The following ITPR2 variants were observed in gnomAD, a reference collection of about 807,000 sequenced individuals.
ITPR2 encodes inositol 1,4,5-trisphosphate-gated calcium channel ITPR2.
A neutral mutation model predicts 317.1 loss-of-function variants in ITPR2; 207 were observed. The ratio of observed to expected loss-of-function variants is 0.65; its 90% CI spans 0.58 to 0.73. The LOEUF is 0.73. ITPR2 is among the 30% of genes least tolerant of loss of function. The pLI, the probability that ITPR2 is intolerant of heterozygous loss-of-function variation, is 0.00. For missense variants in ITPR2, 2,613 were observed against 3,284.0 expected (o/e 0.80, Z 4.99); for synonymous variants, 1,156 against 1,149.1 (o/e 1.01, Z -0.12).
intron 54 of ITPR2, among the ~76,000 whole-genome samples, chr12:26,392,469 G>A (rs1208918332): frequency 1.3e-5 from 2 of 152,058 alleles, no homozygotes; most frequent in Non-Finnish European, 2.9e-5. Context: ...CCAGCTGTTT[G>A]ATCTTCTGGG....
At chr12:26,435,664 A>T (rs1192365516) in intron 48 of ITPR2, among the ~76,000 whole-genome samples, 1 of 152,188 alleles carries the variant, frequency 6.6e-6, no homozygotes, top group African/African-American at 2.4e-5. Flanking sequence ...TTAGTTTAAT[A>T]ATAGTTTCAT....
At chr12:26,647,730 G>C (rs1947146762) in intron 21 of ITPR2, among the ~76,000 whole-genome samples, 1 of 152,212 alleles carries the variant, frequency 6.6e-6, no homozygotes, top group African/African-American at 2.4e-5. Context: ...CCTCCTGGGA[G>C]CAAGTACATT....
intron 36 of ITPR2, among the ~76,000 whole-genome samples, chr12:26,551,644 A>G (rs1288378529): frequency 1.3e-5 from 2 of 152,176 alleles, no homozygotes; most frequent in Non-Finnish European, 2.9e-5. Context: ...GCTGGGGGGA[A>G]TTACCTAGGG....
intron 34 of ITPR2, among the ~76,000 whole-genome samples, chr12:26,572,118 A>T (rs1364176627): frequency 6.6e-6 from 1 of 152,192 alleles, no homozygotes; most frequent in African/African-American, 2.4e-5. Context: ...AAATTCTTGC[A>T]TATTTGAATT....
At chr12:26,440,761 T>TAAA (rs1442845255) in intron 46 of ITPR2, among the ~76,000 whole-genome samples, 11,967 of 152,090 alleles carry the variant, frequency 0.079, 507 homozygotes, top group South Asian at 0.1. Context: ...CAAATATTTT[T>TAAA]AAAAAATCTC....
chr12:26,639,188 G>A (rs546025519), intron 21 of ITPR2, among the ~76,000 whole-genome samples: 1 of 152,206 alleles, frequency 6.6e-6, no homozygotes, highest in African/African-American at 2.4e-5. Flanking sequence ...GACCTGACAT[G>A]TGGAAGGGAT....
At chr12:26,570,144 C>G (rs559118561) in intron 34 of ITPR2, among the ~76,000 whole-genome samples, 1 of 152,246 alleles carries the variant, frequency 6.6e-6, no homozygotes, top group South Asian at 2.1e-4. Context: ...AATTTTATAA[C>G]AGGTAGGGGA....
chr12:26,489,264 C>G (rs1942744640), intron 39 of ITPR2, among the ~76,000 whole-genome samples: 1 of 152,068 alleles, frequency 6.6e-6, no homozygotes, highest in Non-Finnish European at 1.5e-5. Context: ...TGTTTTGGAG[C>G]TAAGGGGGAT....
At chr12:26,475,731 T>C (rs1476186517) in intron 44 of ITPR2, among the ~76,000 whole-genome samples, 1 of 152,080 alleles carries the variant, frequency 6.6e-6, no homozygotes, top group African/African-American at 2.4e-5. Context: ...CAGGCAGACA[T>C]GGTGCTAGAA....
rs1941430441 is a variant in ITPR2, at chr12:26,439,240, T to C, written c.6530A>G (p.Lys2177Arg). ...TTCAGTTGTATTGAACACACGGCAC[T>C]TGGATTCTCGAGTGAGGTATTCACA... Reference protein sequence around the residue: ...NICEYLTRESKCRVFNTTERD... With the variant: ...NICEYLTRESRCRVFNTTERD... The change falls in exon 47 of 57, where the codon AAG becomes AGG. Residue 2177 changes from lysine (K) to arginine (R), a missense_variant. By Grantham distance (26) the Lys-to-Arg change is conservative. Coordinates refer to ENST00000381340, the MANE Select transcript of ITPR2 (RefSeq NM_002223.4). The C allele has an allele frequency of 6.2e-7, 1 of 1,613,254 alleles. No individual in the cohort carries two copies. Among genetic ancestry groups the C allele is most frequent in the Non-Finnish European group, 8.5e-7 (1 of 1,179,534 alleles).
chr12:26,408,666 CTT>C (rs1193675987), intron 52 of ITPR2, among the ~76,000 whole-genome samples: 1 of 152,146 alleles, frequency 6.6e-6, no homozygotes, highest in African/African-American at 2.4e-5. Context: ...AGTCAGCCCT[CTT>C]TGTATACTCT....
intron 10 of ITPR2, among the ~76,000 whole-genome samples, chr12:26,694,288 C>T (rs889993558): frequency 6.6e-6 from 1 of 152,174 alleles, no homozygotes; most frequent in Non-Finnish European, 1.5e-5. Flanking sequence ...ACAAAAATGA[C>T]TAAATATCCC....
chr12:26,630,754 T>G (rs1031288794), intron 22 of ITPR2: 1 of 152,158 alleles, frequency 6.6e-6, no homozygotes, highest in African/African-American at 2.4e-5. Flanking sequence ...TAATGCTTTT[T>G]TTCTGTAAAT....
chr12:26,374,448 T>G (rs1939281693), intron 55 of ITPR2, among the ~76,000 whole-genome samples: 1 of 152,216 alleles, frequency 6.6e-6, no homozygotes, highest in African/African-American at 2.4e-5. Context: ...CATATGGAAG[T>G]TGACCTTTGC....
intron 48 of ITPR2, among the ~76,000 whole-genome samples, chr12:26,431,214 A>G (rs1941198417): frequency 6.6e-6 from 1 of 152,230 alleles, no homozygotes; most frequent in African/African-American, 2.4e-5. Flanking sequence ...GAAAAAAAGA[A>G]TTACACTACA....
chr12:26,684,810 T>G (rs757449986), intron 11 of ITPR2, among the ~76,000 whole-genome samples: 4 of 152,194 alleles, frequency 2.6e-5, no homozygotes, highest in Non-Finnish European at 4.4e-5. Flanking sequence ...CCCTTTTTGC[T>G]GACTTAAATC....
At chr12:26,625,549 T>C (rs1220186972) in intron 23 of ITPR2, among the ~76,000 whole-genome samples, 2 of 152,156 alleles carry the variant, frequency 1.3e-5, no homozygotes, top group Non-Finnish European at 2.9e-5. Flanking sequence ...AAGACATCAA[T>C]GTAATTTTTT....
At chr12:26,532,906 G>A (rs1943983978) in intron 37 of ITPR2, among the ~76,000 whole-genome samples, 3 of 151,874 alleles carry the variant, frequency 2.0e-5, no homozygotes, top group Non-Finnish European at 2.9e-5. Context: ...GGCTGGTCTC[G>A]AACTCCTGAT....
At chr12:26,473,885 C>T (rs58611798) in intron 45 of ITPR2, among the ~76,000 whole-genome samples, 202 of 152,308 alleles carry the variant, frequency 1.3e-3, no homozygotes, top group African/African-American at 4.6e-3. Context: ...CTTTCAGTTG[C>T]TCAGCAGCTA....
Sources: allele counts gnomAD v4.1 joint callset (sites outside exome capture counted in the v4.1 genomes callset), GRCh38; gene constraint gnomAD v4.1.1; transcripts MANE v1.5; gene names NCBI Gene and HGNC (gene_info 2026-07-23, HGNC 2026-07-21).